Variants in ZNF638 observed in about 807,000 individuals in gnomAD.
ZNF638 encodes CTCL tumor antigen se33-1.
In ZNF638, 46 loss-of-function variants were observed where a neutral mutation model predicts 195.6. The observed-to-expected ratio is 0.24, with a 90% CI of 0.19 to 0.30. The LOEUF (loss-of-function observed/expected upper bound fraction) is 0.30. Among genes scored for constraint, ZNF638 ranks in the 10% least tolerant of loss-of-function variants. ZNF638 has a pLI of 1.00. For synonymous variants in ZNF638, 845 were observed against 772.0 expected, an observed-to-expected ratio of 1.09 and a Z score of -1.57; for missense variants, 2,440 against 2,325.3, an observed-to-expected ratio of 1.05 and a Z score of -1.01.
chr2:71,420,810 T>C (rs2080416117), intron 21 of ZNF638, among the ~76,000 whole-genome samples: 1 of 152,182 alleles, frequency 6.6e-6, no homozygotes, highest in Admixed American at 6.5e-5. Context: ...GAGGCTTTTT[T>C]CCCATATTAG....
At position 71,401,979 on chromosome 2, in the gene ZNF638, G is replaced by T; in HGVS notation, c.2721G>T (p.Met907Ile). The T allele has an allele frequency of 6.3e-7, 1 of 1,593,202 alleles. No individual in the cohort carries two copies. Among genetic ancestry groups the T allele is most frequent in the East Asian group, 2.3e-5 (1 of 44,442 alleles). Residue 907 changes from methionine to isoleucine, a missense_variant, in exon 16 of 28, where the codon ATG becomes ATT. By Grantham distance (10) the Met-to-Ile change is conservative (BLOSUM62 1). This residue lies in a region of ZNF638 where 1,883 missense variants were observed against 1,739.1 expected (regional missense o/e 1.08). Transcript: ENST00000264447. ...AGGAAACAGAAGAAATGTGTGTGAT[G>T]CTTGTCTCTAATTTGCCTAATAAAG... ...LNKETEEMCV[M>I]LVSNLPNKGY...
intron 15 of ZNF638, among the ~76,000 whole-genome samples, chr2:71,401,680 A>G (rs369698827): frequency 1.2e-4 from 17 of 143,954 alleles, no homozygotes; most frequent in East Asian, 4.0e-4. Context: ...GAGCAAGACT[A>G]AAAAAAAAAA....
chr2:71,394,488 A>T (rs981460413), intron 10 of ZNF638, among the ~76,000 whole-genome samples: 1 of 152,128 alleles, frequency 6.6e-6, no homozygotes, highest in Non-Finnish European at 1.5e-5. Context: ...TCAAAACTCC[A>T]TGTTTGTGAC....
Position 71,423,877 on chromosome 2 carries a change from A to G in ZNF638, c.4363A>G (p.Lys1455Glu). Residue 1455 changes from lysine (K) to glutamate (E), a missense_variant, in exon 22 of 28, where the codon AAA becomes GAA. This residue lies in a region of ZNF638 where 1,883 missense variants were observed against 1,739.1 expected (regional missense o/e 1.08). Transcript: ENST00000264447. ...GTCAGGCTTGGCAGAAAGCAGCAGT[A>G]AATTCAAACCTACTCAGAGCAGTCT... ...ARSGLAESSS[K>E]FKPTQSSLTR... 6.2e-7 allele frequency: 1 copy of G among 1,614,128 alleles called. No individual in the cohort carries two copies. Among genetic ancestry groups the G allele is most frequent in the South Asian group, 1.1e-5 (1 of 91,082 alleles).
At chr2:71,390,090 G>T (rs1202444147) in intron 10 of ZNF638, among the ~76,000 whole-genome samples, 1 of 152,184 alleles carries the variant, frequency 6.6e-6, no homozygotes, top group Non-Finnish European at 1.5e-5. Context: ...CTCAGCAAAA[G>T]AACCCCCTTC....
In ZNF638 at chr2:71,350,156, C is replaced by T. The variant is rs755403456; in HGVS notation, c.1202C>T (p.Ala401Val). Residue 401 changes from alanine to valine, a missense_variant, in exon 2 of 28, where the codon GCC (alanine) becomes GTC (valine). Ala to Val is a moderately conservative substitution (Grantham distance 64, BLOSUM62 0). Coordinates refer to ENST00000264447, the MANE Select transcript of ZNF638 (RefSeq NM_014497.5). Reference protein sequence around the residue: ...SWLPKFSHADAQKMKRLPTPS... With the variant: ...SWLPKFSHADVQKMKRLPTPS... ...CTACCAAAGTTTTCACATGCTGATG[C>T]CCAGAAGATGAAGAGACTTCCAACT... 2 of 1,613,466 alleles carry T rather than the reference C, an allele frequency of 1.2e-6. No individual in the cohort carries two copies. Among genetic ancestry groups the T allele is most frequent in the African/African-American group, 2.7e-5 (2 of 74,898 alleles).
At chr2:71,364,391 G>A (rs1455577008) in intron 5 of ZNF638, 139 bp downstream of exon 5, 3 of 897,520 alleles carry the variant, frequency 3.3e-6, no homozygotes, top group Non-Finnish European at 4.9e-6. Context: ...ATGCCACAGA[G>A]TTATTCCCTC....
chr2:71,416,932 T>C (rs1434702085), intron 20 of ZNF638, among the ~76,000 whole-genome samples: 1 of 151,548 alleles, frequency 6.6e-6, no homozygotes, highest in East Asian at 2.0e-4. Context: ...GTCTTTTTGT[T>C]TGTCTGTGCC....
rs1241938283 is a variant in ZNF638 at position 71,383,767 on chromosome 2, T to TTTTC, written c.2377+3205_2377+3206insCTTT. Among the ~76,000 whole-genome samples the TTTTC allele has an allele frequency of 2.2e-5, 3 of 136,438 alleles. No individual in the cohort carries two copies. The South Asian group carries it at 7.1e-4, about 32-fold the overall frequency. 89.5% of individuals were successfully genotyped at this position (136,438 alleles called of 152,430 possible). ...TTCTTTTTTTTTTTCTTTTTCTTTT[T>TTTTC]TTTTTTTTTTTTTTAGTAGAGATGG... is the stretch of plus-strand genomic sequence containing the variant. On this transcript the variant is annotated intron_variant, in intron 10 of 27. Coordinates refer to ENST00000264447, the MANE Select transcript of ZNF638 (RefSeq NM_014497.5).
At position 71,373,437 on chromosome 2, in the gene ZNF638, A is replaced by ATTTTTT. The variant is rs754117239; in HGVS notation, c.2265+3454_2265+3459dup. Among the ~76,000 whole-genome samples the ATTTTTT allele has an allele frequency of 3.5e-4, 25 of 71,052 alleles. 6 individuals are homozygous for ATTTTTT. Among genetic ancestry groups the ATTTTTT allele is most frequent in the African/African-American group, 1.2e-3 (21 of 17,854 alleles). 46.6% of individuals were successfully genotyped at this position (71,052 alleles called of 152,430 possible). A position where few individuals can be genotyped will look rare whatever the true frequency, so the allele number is the denominator to read the frequency against. ...TTATGCATACATATATCAAGTTTGA[A>ATTTTTT]TTTTTTTTTTTTTTTTTTTTTTTTT... On this transcript the variant is annotated intron_variant, in intron 8 of 27. Transcript: ENST00000264447.
chr2:71,410,534 C>A (rs2080193362), intron 20 of ZNF638, among the ~76,000 whole-genome samples: 1 of 152,060 alleles, frequency 6.6e-6, no homozygotes, highest in Non-Finnish European at 1.5e-5. Flanking sequence ...TATCTAATTC[C>A]TTTTCTCTAT....
chr2:71,346,317 A>G (rs1263834120), intron 1 of ZNF638, among the ~76,000 whole-genome samples: 1 of 152,174 alleles, frequency 6.6e-6, no homozygotes, highest in Non-Finnish European at 1.5e-5. Context: ...TTTGGAAGAT[A>G]TTTTATTATG....
rs1256659374 is a variant in ZNF638, at chr2:71,335,433, TA to T, written c.-203+3566del. ...ATATATTTATTGTTCATTCAAGTTT[TA>T]AAAAAAATTTCCTATCTTATTTCCA... On this transcript the variant is annotated intron_variant, in intron 1 of 27. Transcript: ENST00000264447. Among the ~76,000 whole-genome samples the T allele has an allele frequency of 3.3e-5, 5 of 152,148 alleles. No individual in the cohort carries two copies. In the East Asian group the frequency reaches 9.6e-4, roughly 29 times the overall value.
chr2:71,410,378 T>TTGTG (rs374000935), intron 20 of ZNF638, among the ~76,000 whole-genome samples: 2,551 of 151,274 alleles, frequency 0.017, 48 homozygotes, highest in Non-Finnish European at 0.019. Flanking sequence ...GATTTTTTTT[T>TTGTG]TGTGTGTGTG....
chr2:71,418,627 TAGAAAA>T lies in ZNF638; in HGVS notation c.3293_3298del (p.Lys1098_Glu1099del). The T allele has an allele frequency of 1.3e-6, 2 of 1,564,416 alleles. No homozygotes were observed. Among genetic ancestry groups the T allele is most frequent in the Non-Finnish European group, 8.7e-7 (1 of 1,156,002 alleles). On this transcript the variant is annotated inframe_deletion, in exon 21 of 28. Transcript: ENST00000264447. ...GTGCAAATTGAGCATGACCCAGAAT[TAGAAAA>T]AGAAAGGTATGTTGCTTTATGTTTA...
At chr2:71,337,249 G>T (rs921278510) in intron 1 of ZNF638, among the ~76,000 whole-genome samples, 4 of 151,888 alleles carry the variant, frequency 2.6e-5, no homozygotes, top group East Asian at 1.9e-4. Flanking sequence ...GACAGGTGGT[G>T]GGGGAGTTCC....
At chr2:71,369,163 C>T (rs1408711865) in intron 7 of ZNF638, among the ~76,000 whole-genome samples, 4 of 130,616 alleles carry the variant, frequency 3.1e-5, no homozygotes, top group Non-Finnish European at 4.7e-5. Flanking sequence ...GGTGAAACCC[C>T]GTGTCTACTA....
chr2:71,398,911 GA>G (rs2079948494), intron 12 of ZNF638, 139 bp downstream of exon 12: 1 of 747,466 alleles, frequency 1.3e-6, no homozygotes, highest in Non-Finnish European at 2.2e-6. Flanking sequence ...CATTTTGTTG[GA>G]ATTTTATCTT....
At chr2:71,397,152 T>C (rs2079909404) in intron 11 of ZNF638, among the ~76,000 whole-genome samples, 1 of 152,202 alleles carries the variant, frequency 6.6e-6, no homozygotes, top group South Asian at 2.1e-4. Flanking sequence ...GTTACTTTGA[T>C]ACCAAGTGTA....
Sources: allele counts gnomAD v4.1 joint callset (sites outside exome capture counted in the v4.1 genomes callset), GRCh38; gene constraint gnomAD v4.1.1; regional missense constraint gnomAD v4.1.1; transcripts MANE v1.5; gene names NCBI Gene and HGNC (gene_info 2026-07-23, HGNC 2026-07-21).